ADK: variants seen among roughly 807,000 people sequenced by gnomAD.
ADK encodes N6,N6-dimethyladenosine kinase.
In ADK, 24 loss-of-function variants were observed where a neutral mutation model predicts 44.7. The ratio of observed to expected loss-of-function variants is 0.54; its 90% CI spans 0.39 to 0.76. The LOEUF (loss-of-function observed/expected upper bound fraction) is 0.76. Among genes scored for constraint, ADK ranks in the 30% least tolerant of loss-of-function variants. ADK has a pLI of 0.00. For synonymous variants in ADK, 128 were observed against 142.6 expected (o/e 0.90, Z 0.73); for missense variants, 321 against 425.1 (o/e 0.76, Z 2.15).
intron 4 of ADK, among the ~76,000 whole-genome samples, chr10:74,390,798 T>G (rs1454010982): frequency 6.6e-6 from 1 of 152,224 alleles, no homozygotes; most frequent in Non-Finnish European, 1.5e-5. Context: ...GATTGTAATA[T>G]GTGCCACCTT....
intron 9 of ADK, among the ~76,000 whole-genome samples, chr10:74,615,689 G>GT (rs1323886275): frequency 6.6e-6 from 1 of 151,888 alleles, no homozygotes; most frequent in African/African-American, 2.4e-5. Context: ...ACTGGTATTT[G>GT]TTTTTTTGTG....
chr10:74,543,848 C>G (rs1365042825), intron 7 of ADK, among the ~76,000 whole-genome samples: 1 of 151,800 alleles, frequency 6.6e-6, no homozygotes, highest in Non-Finnish European at 1.5e-5. Flanking sequence ...TTTAAAGACT[C>G]TTTTATCTTT....
intron 6 of ADK, among the ~76,000 whole-genome samples, chr10:74,412,379 G>A (rs1393612192): frequency 1.3e-5 from 2 of 152,054 alleles, no homozygotes; most frequent in Non-Finnish European, 2.9e-5. Flanking sequence ...GGGCTTAAGT[G>A]ATCCTCCCAC....
chr10:74,237,463 C>A (rs1591911134), intron 3 of ADK, among the ~76,000 whole-genome samples: 1 of 152,154 alleles, frequency 6.6e-6, no homozygotes, highest in East Asian at 1.9e-4. Flanking sequence ...TCAAAGTCAT[C>A]CACAAGGGCT....
chr10:74,685,192 C>T (rs1855744314), intron 10 of ADK, among the ~76,000 whole-genome samples: 1 of 152,106 alleles, frequency 6.6e-6, no homozygotes, highest in Non-Finnish European at 1.5e-5. Flanking sequence ...TCTCATGATG[C>T]TGCAGTCAAG....
At chr10:74,192,845 C>G (rs192943055) in intron 1 of ADK, among the ~76,000 whole-genome samples, 100 of 152,302 alleles carry the variant, frequency 6.6e-4, no homozygotes, top group African/African-American at 2.3e-3. Flanking sequence ...ACAAATAAAT[C>G]TGTTAGGAAC....
At chr10:74,201,411 A>C (rs1197500047) in intron 2 of ADK, among the ~76,000 whole-genome samples, 1 of 152,160 alleles carries the variant, frequency 6.6e-6, no homozygotes, top group African/African-American at 2.4e-5. Context: ...CCTTGTTTTC[A>C]GTTTCTGAGG....
intron 7 of ADK, among the ~76,000 whole-genome samples, chr10:74,553,198 T>G (rs1458992321): frequency 3.5e-5 from 4 of 113,592 alleles, no homozygotes; most frequent in South Asian, 3.3e-4. Context: ...GTGTTTTTTT[T>G]TTTTTTTTTT....
At chr10:74,574,186 G>A (rs1209535793) in intron 7 of ADK, among the ~76,000 whole-genome samples, 1 of 49,554 alleles carries the variant, frequency 2.0e-5, no homozygotes, top group African/African-American at 7.9e-5. Flanking sequence ...TTTTTTTTTT[G>A]AGAAAGATTC....
At chr10:74,316,907 T>C (rs1840642406) in intron 4 of ADK, among the ~76,000 whole-genome samples, 1 of 152,052 alleles carries the variant, frequency 6.6e-6, no homozygotes. Context: ...TTTTTTACAA[T>C]ATTTCACATT....
chr10:74,544,190 C>T (rs1849745233), intron 7 of ADK, among the ~76,000 whole-genome samples: 2 of 152,206 alleles, frequency 1.3e-5, no homozygotes, highest in Non-Finnish European at 2.9e-5. Flanking sequence ...TGTTCCTTTA[C>T]AGCAGTGACT....
intron 10 of ADK, among the ~76,000 whole-genome samples, chr10:74,694,270 G>A (rs1856096124): frequency 6.7e-6 from 1 of 148,300 alleles, no homozygotes; most frequent in South Asian, 2.1e-4. Context: ...GTCAGGATCA[G>A]GCCAGTGTGG....
chr10:74,582,817 C>T (rs1246248403), intron 7 of ADK, among the ~76,000 whole-genome samples: 3 of 151,980 alleles, frequency 2.0e-5, no homozygotes, highest in South Asian at 2.1e-4. Context: ...ATTCTGTAGA[C>T]GGGAAGCATA....
chr10:74,432,126 C>T (rs1339678932), intron 6 of ADK, among the ~76,000 whole-genome samples: 1 of 151,752 alleles, frequency 6.6e-6, no homozygotes. Context: ...CCCAGGAGGT[C>T]AAGCCTGCAG....
At chr10:74,510,653 G>A (rs950434693) in intron 6 of ADK, among the ~76,000 whole-genome samples, 1 of 152,068 alleles carries the variant, frequency 6.6e-6, no homozygotes, top group Non-Finnish European at 1.5e-5. Flanking sequence ...ATGTCCTAAA[G>A]CATTTCACCT....
chr10:74,535,317 G>A (rs559986630), intron 7 of ADK, among the ~76,000 whole-genome samples: 62 of 152,084 alleles, frequency 4.1e-4, no homozygotes, highest in Non-Finnish European at 7.4e-4. Context: ...CTTAAAATTA[G>A]CCAGGCATGG....
At chr10:74,234,734 A>G (rs1393003263) in intron 3 of ADK, among the ~76,000 whole-genome samples, 5 of 152,084 alleles carry the variant, frequency 3.3e-5, no homozygotes, top group Non-Finnish European at 7.4e-5. Flanking sequence ...AAGTTCATGT[A>G]TTATAACTTT....
chr10:74,371,378 T>G (rs1436040798), intron 4 of ADK, among the ~76,000 whole-genome samples: 1 of 152,214 alleles, frequency 6.6e-6, no homozygotes, highest in African/African-American at 2.4e-5. Flanking sequence ...ACTGTATCTG[T>G]TTGTAGATAA....
intron 1 of ADK, among the ~76,000 whole-genome samples, chr10:74,193,784 C>G (rs557872876): frequency 2.6e-5 from 4 of 152,090 alleles, no homozygotes; most frequent in South Asian, 4.1e-4. Flanking sequence ...AAGAAAGAAA[C>G]AAAAGATCAG....
Sources: allele counts gnomAD v4.1 joint callset (sites outside exome capture counted in the v4.1 genomes callset), GRCh38; gene constraint gnomAD v4.1.1; transcripts MANE v1.5; gene names NCBI Gene and HGNC (gene_info 2026-07-23, HGNC 2026-07-21).